RBFOX2: variants seen among roughly 807,000 people sequenced by gnomAD.
RBFOX2 encodes RNA binding fox-1 homolog 2.
Under a neutral mutation model 49.1 loss-of-function variants are expected in RBFOX2, and 10 were observed. The ratio of observed to expected loss-of-function variants is 0.20; its 90% CI spans 0.13 to 0.35. The LOEUF (loss-of-function observed/expected upper bound fraction) is 0.35, where lower values mean the gene tolerates loss of function less well. RBFOX2 is among the 10% of genes least tolerant of loss of function. The pLI is 1.00. For synonymous variants in RBFOX2, 183 were observed against 187.4 expected (o/e 0.98, Z 0.19); for missense variants, 323 against 486.9 (o/e 0.66, Z 3.17).
upstream of RBFOX2, among the ~76,000 whole-genome samples, chr22:35,841,954 A>G (rs1023296298): frequency 1.3e-5 from 2 of 152,126 alleles, no homozygotes; most frequent in African/African-American, 4.8e-5. Context: ...GCACTTTGGG[A>G]GGTTAAGGCT....
intron 1 of RBFOX2, among the ~76,000 whole-genome samples, chr22:35,813,956 A>G (rs1952443070): frequency 6.6e-6 from 1 of 152,224 alleles, no homozygotes; most frequent in African/African-American, 2.4e-5. Flanking sequence ...CAACATTTAC[A>G]TGCTTGTGCT....
rs568798932 is a variant in RBFOX2 at position 35,968,362 on chromosome 22, G to A, written c.187-29465C>T. Among the ~76,000 whole-genome samples the A allele has an allele frequency of 2.6e-4, 40 of 152,304 alleles. 1 individual carries two copies. The highest frequency in any genetic ancestry group is 8.7e-4 in the African/African-American group (36 of 41,550). On this transcript the variant is annotated intron_variant, in intron 1 of 13. Coordinates refer to the RBFOX2 transcript ENST00000438146. Reference sequence around the variant, plus strand: ...ATCATAAGCCTCAAAATAGAATTATGCGCCTCTCTTAAACACACAGAACGG... The same window carrying A: ...ATCATAAGCCTCAAAATAGAATTATACGCCTCTCTTAAACACACAGAACGG...
At chr22:35,756,381 C>T (rs1936947898) in intron 9 of RBFOX2, among the ~76,000 whole-genome samples, 1 of 152,092 alleles carries the variant, frequency 6.6e-6, no homozygotes, top group Non-Finnish European at 1.5e-5. Flanking sequence ...AATGCGCAAC[C>T]TGGATATTTG....
chr22:35,911,883 C>G (rs1373419228), intron 1 of RBFOX2, among the ~76,000 whole-genome samples: 2 of 152,180 alleles, frequency 1.3e-5, no homozygotes, highest in African/African-American at 2.4e-5. Context: ...TTTTACTGCT[C>G]CAGCAAATCC....
chr22:35,809,812 T>C lies in RBFOX2; in HGVS notation c.220A>G (p.Asn74Asp). Reference sequence around the variant, plus strand: ...GATCCATTTTGTGTGCTGGGTGAGTTGCTGCTCTGCTCCCCGTGGGCTTGC... The same window carrying C: ...GATCCATTTTGTGTGCTGGGTGAGTCGCTGCTCTGCTCCCCGTGGGCTTGC... Residue 74 changes from asparagine (N) to aspartate (D), a missense_variant, in exon 2 of 12, where the codon AAC (asparagine) becomes GAC (aspartate). Physicochemically the swap from Asn to Asp is conservative, Grantham distance 23. This residue lies in a region of RBFOX2 where 123 missense variants were observed against 116.9 expected (regional missense o/e 1.05). Transcript: ENST00000405409. 3 of 1,614,034 alleles carry C rather than the reference T, an allele frequency of 1.9e-6. No homozygotes were observed. Among genetic ancestry groups the C allele is most frequent in the African/African-American group, 1.3e-5 (1 of 75,026 alleles).
At chr22:35,789,052 CAG>C (rs550932424) in intron 2 of RBFOX2, among the ~76,000 whole-genome samples, 7 of 152,092 alleles carry the variant, frequency 4.6e-5, no homozygotes, top group Non-Finnish European at 8.8e-5. Flanking sequence ...AAATGCTTAT[CAG>C]AATTTTTAGA....
intron 1 of RBFOX2, chr22:35,995,329 G>T (rs1002544080): frequency 2.0e-5 from 3 of 152,168 alleles, no homozygotes; most frequent in African/African-American, 7.2e-5. Flanking sequence ...CTGAGTGAAA[G>T]AACATTTGCC....
chr22:35,752,646 T>C, intron 9 of RBFOX2: 5 of 983,980 alleles, frequency 5.1e-6, no homozygotes, highest in Non-Finnish European at 6.0e-6. Context: ...TTGGTTCCTG[T>C]AAGACTATTC....
intron 1 of RBFOX2, among the ~76,000 whole-genome samples, chr22:36,015,256 C>CACA (rs1280497475): frequency 6.6e-6 from 1 of 152,180 alleles, no homozygotes; most frequent in African/African-American, 2.4e-5. Context: ...ATAGTAAAAT[C>CACA]TTATGTAAGT....
chr22:35,967,112 C>T (rs1287718789), intron 1 of RBFOX2, among the ~76,000 whole-genome samples: 1 of 152,126 alleles, frequency 6.6e-6, no homozygotes, highest in Non-Finnish European at 1.5e-5. Flanking sequence ...AGGTGTGCAC[C>T]ACCACATCTA....
intron 6 of RBFOX2, 39 bp downstream of exon 7, chr22:35,765,384 A>G: frequency 7.2e-7 from 1 of 1,380,220 alleles, no homozygotes; most frequent in Non-Finnish European, 1.0e-6. Context: ...ATATATTTAC[A>G]CAAGAATAAA....
intron 1 of RBFOX2, among the ~76,000 whole-genome samples, chr22:35,957,100 T>C (rs185942280): frequency 1.3e-5 from 2 of 152,298 alleles, no homozygotes; most frequent in African/African-American, 2.4e-5. Flanking sequence ...GTACAGTTAT[T>C]AGAATCACAC....
chr22:35,845,575 A>G (rs1278983559), upstream of RBFOX2, among the ~76,000 whole-genome samples: 1 of 152,200 alleles, frequency 6.6e-6, no homozygotes, highest in Non-Finnish European at 1.5e-5. Context: ...TAATTCACAA[A>G]TTACTACATG....
At chr22:35,897,296 C>T in intron 1 of RBFOX2, 1 of 1,506,758 alleles carries the variant, frequency 6.6e-7, no homozygotes, top group South Asian at 1.1e-5. Flanking sequence ...GCTTCACATC[C>T]TCAATTTCAG....
chr22:35,949,693 T>C (rs889876298), intron 1 of RBFOX2, among the ~76,000 whole-genome samples: 8 of 152,246 alleles, frequency 5.3e-5, no homozygotes, highest in Non-Finnish European at 5.9e-5. Flanking sequence ...CATGTGCTTA[T>C]TGACCATTTG....
chr22:35,790,082 G>A (rs1947299662), intron 2 of RBFOX2, among the ~76,000 whole-genome samples: 1 of 152,122 alleles, frequency 6.6e-6, no homozygotes, highest in Non-Finnish European at 1.5e-5. Flanking sequence ...AAATTTTTGT[G>A]GTGTAAGTAA....
At chr22:35,952,650 C>T (rs2055080404) in intron 1 of RBFOX2, among the ~76,000 whole-genome samples, 1 of 152,176 alleles carries the variant, frequency 6.6e-6, no homozygotes, top group South Asian at 2.1e-4. Flanking sequence ...CTAATAGACT[C>T]AAAGGCTACA....
intron 1 of RBFOX2, among the ~76,000 whole-genome samples, chr22:35,889,432 A>T (rs1159486560): frequency 6.6e-6 from 1 of 151,880 alleles, no homozygotes; most frequent in Non-Finnish European, 1.5e-5. Flanking sequence ...TCCTACAAAA[A>T]CCTGGTCCTC....
At chr22:35,987,659 T>C (rs2057780193) in intron 1 of RBFOX2, among the ~76,000 whole-genome samples, 1 of 152,146 alleles carries the variant, frequency 6.6e-6, no homozygotes, top group South Asian at 2.1e-4. Flanking sequence ...AAGAAGCGTG[T>C]GATACAACAG....
Sources: allele counts gnomAD v4.1 joint callset (sites outside exome capture counted in the v4.1 genomes callset), GRCh38; gene constraint gnomAD v4.1.1; regional missense constraint gnomAD v4.1.1; transcripts MANE v1.5; gene names NCBI Gene and HGNC (gene_info 2026-07-23, HGNC 2026-07-21).